Variants in BRINP3 observed in about 807,000 individuals in gnomAD.
BRINP3 encodes BMP/retinoic acid inducible neural specific 3, also known as BMP/retinoic acid-inducible neural-specific protein 3.
A neutral mutation model predicts 71.0 loss-of-function variants in BRINP3; 19 were observed. The ratio of observed to expected loss-of-function variants is 0.27; its 90% CI spans 0.19 to 0.39. The LOEUF (loss-of-function observed/expected upper bound fraction) is 0.39. Among genes scored for constraint, BRINP3 ranks in the 10% least tolerant of loss-of-function variants. BRINP3 has a pLI of 1.00. For synonymous variants in BRINP3, 380 were observed against 337.7 expected (o/e 1.13, Z -1.37); for missense variants, 959 against 940.8 (o/e 1.02, Z -0.25).
intron 6 of BRINP3, among the ~76,000 whole-genome samples, chr1:190,215,283 T>C (rs1180311795): frequency 6.6e-6 from 1 of 151,834 alleles, no homozygotes; most frequent in African/African-American, 2.4e-5. Context: ...CTCAATCCCA[T>C]ACTTTGTGCA....
intron 2 of BRINP3, among the ~76,000 whole-genome samples, chr1:190,386,588 T>A (rs1252995435): frequency 1.3e-5 from 2 of 151,980 alleles, no homozygotes; most frequent in Admixed American, 6.6e-5. Context: ...ATAGACAAAC[T>A]AATTTTGTAA....
At chr1:190,462,648 T>A (rs1360373173) in intron 1 of BRINP3, among the ~76,000 whole-genome samples, 2 of 152,130 alleles carry the variant, frequency 1.3e-5, no homozygotes, top group Non-Finnish European at 2.9e-5. Flanking sequence ...TTTAATCTTT[T>A]TGATATACCA....
chr1:190,176,073 A>G (rs1488931877), intron 6 of BRINP3, among the ~76,000 whole-genome samples: 1 of 152,184 alleles, frequency 6.6e-6, no homozygotes, highest in Non-Finnish European at 1.5e-5. Context: ...ATTTTTCAGA[A>G]CTTAACACGT....
intron 2 of BRINP3, among the ~76,000 whole-genome samples, chr1:190,406,389 C>T (rs1672282468): frequency 6.6e-6 from 1 of 152,182 alleles, no homozygotes; most frequent in Non-Finnish European, 1.5e-5. Context: ...TAACACAAAT[C>T]ACATTATACT....
Position 190,126,747 on chromosome 1 carries a change from T to A in BRINP3, c.1185-27613A>T, listed in dbSNP as rs577307038. On this transcript the variant is annotated intron_variant, in intron 7 of 7. Transcript: ENST00000367462. ...TCAATCATTATCATGTTAACCTGCTTATTTCCTTCATAGATTTTAATATCA... is the reference window on the plus strand; with the variant it reads ...TCAATCATTATCATGTTAACCTGCTAATTTCCTTCATAGATTTTAATATCA... 5.3e-5 allele frequency among the ~76,000 whole-genome samples: 8 copies of A among 152,070 alleles called. No homozygotes were observed. In the East Asian group the frequency reaches 1.5e-3, roughly 29 times the overall value.
At position 190,208,029 on chromosome 1, in the gene BRINP3, C is replaced by A. The variant is rs185902092; in HGVS notation, c.961+18053G>T. On this transcript the variant is annotated intron_variant, in intron 6 of 7. Coordinates refer to ENST00000367462, the MANE Select transcript of BRINP3 (RefSeq NM_199051.3). ...CAAGCTGGAGTGCAGCTCACTGCAA[C>A]CTCCGCCTCCTGGGCTCAAGGGATA... Among the ~76,000 whole-genome samples the A allele has an allele frequency of 7.9e-5, 12 of 152,198 alleles. No homozygotes were observed. In the East Asian group the frequency reaches 2.3e-3, roughly 30 times the overall value.
chr1:190,391,304 T>C (rs1671237691), intron 2 of BRINP3, among the ~76,000 whole-genome samples: 1 of 151,812 alleles, frequency 6.6e-6, no homozygotes, highest in South Asian at 2.1e-4. Context: ...AATAAGCTTT[T>C]AGAATGAAGA....
intron 4 of BRINP3, among the ~76,000 whole-genome samples, chr1:190,255,405 T>A (rs145961376): frequency 6.6e-6 from 1 of 152,258 alleles, no homozygotes; most frequent in African/African-American, 2.4e-5. Context: ...TGGGAATCCA[T>A]CTGGTCCTCG....
At chr1:190,150,347 G>A (rs150309191) in intron 7 of BRINP3, among the ~76,000 whole-genome samples, 130 of 152,128 alleles carry the variant, frequency 8.5e-4, no homozygotes, top group Middle Eastern at 6.8e-3. Context: ...CGGTGAGGAA[G>A]ATTATTTATA....
At chr1:190,294,946 C>G (rs886409018) in intron 2 of BRINP3, among the ~76,000 whole-genome samples, 1 of 151,842 alleles carries the variant, frequency 6.6e-6, no homozygotes, top group African/African-American at 2.4e-5. Context: ...AGGCAAAGTC[C>G]TTTGCTCTCC....
intron 7 of BRINP3, among the ~76,000 whole-genome samples, chr1:190,114,028 C>T (rs576550560): frequency 6.6e-6 from 1 of 152,176 alleles, no homozygotes; most frequent in South Asian, 2.1e-4. Context: ...TTGCACCCAC[C>T]CAAATCTCAT....
At chr1:190,251,461 T>C (rs767798402) in intron 4 of BRINP3, among the ~76,000 whole-genome samples, 8 of 152,090 alleles carry the variant, frequency 5.3e-5, no homozygotes, top group Non-Finnish European at 7.4e-5. Flanking sequence ...CGTAGTGATA[T>C]TGGGACACCA....
chr1:190,249,999 T>C (rs775465225), intron 4 of BRINP3, among the ~76,000 whole-genome samples: 2 of 151,876 alleles, frequency 1.3e-5, no homozygotes, highest in African/African-American at 2.4e-5. Flanking sequence ...CTAAATTAGA[T>C]AGAAAATGGA....
At chr1:190,168,324 T>C (rs1651735207) in intron 6 of BRINP3, among the ~76,000 whole-genome samples, 1 of 152,132 alleles carries the variant, frequency 6.6e-6, no homozygotes, top group African/African-American at 2.4e-5. Flanking sequence ...CATTCCTGAA[T>C]CATTTCAAAG....
chr1:190,148,686 T>C (rs922524379), intron 7 of BRINP3, among the ~76,000 whole-genome samples: 8 of 151,892 alleles, frequency 5.3e-5, no homozygotes, highest in Non-Finnish European at 1.5e-5. Context: ...TAGTACTGCA[T>C]TAGCTTGTTT....
chr1:190,437,811 A>T (rs911329206), intron 2 of BRINP3, among the ~76,000 whole-genome samples: 2 of 151,860 alleles, frequency 1.3e-5, no homozygotes, highest in African/African-American at 4.8e-5. Flanking sequence ...AATGCAATTA[A>T]TCCATTTACT....
chr1:190,248,807 C>A (rs1209924870), intron 4 of BRINP3, among the ~76,000 whole-genome samples: 1 of 151,476 alleles, frequency 6.6e-6, no homozygotes, highest in Non-Finnish European at 1.5e-5. Context: ...CATATGACAT[C>A]CTAAATTTTC....
intron 2 of BRINP3, among the ~76,000 whole-genome samples, chr1:190,371,677 T>C (rs1413591836): frequency 2.0e-5 from 3 of 152,190 alleles, no homozygotes; most frequent in Non-Finnish European, 4.4e-5. Flanking sequence ...ATATTAATTT[T>C]AGGATTAAGT....
At chr1:190,344,407 T>G (rs1667875243) in intron 2 of BRINP3, among the ~76,000 whole-genome samples, 1 of 151,870 alleles carries the variant, frequency 6.6e-6, no homozygotes, top group Non-Finnish European at 1.5e-5. Context: ...GAGCTGTACT[T>G]CAACTATGAT....
Sources: gnomAD v4.1 joint callset for allele counts (sites outside exome capture counted in the v4.1 genomes callset) on GRCh38, gnomAD v4.1.1 for gene constraint, MANE v1.5 for transcripts, NCBI Gene and HGNC (gene_info 2026-07-23, HGNC 2026-07-21) for gene names.